CLSPN: variants seen among roughly 807,000 people sequenced by gnomAD.
CLSPN encodes the protein claspin.
A neutral mutation model predicts 156.3 loss-of-function variants in CLSPN; 85 were observed. The ratio of observed to expected loss-of-function variants is 0.54; its 90% CI spans 0.46 to 0.65. The LOEUF is 0.65. Among genes scored for constraint, CLSPN ranks in the 30% least tolerant of loss-of-function variants. CLSPN has a pLI of 0.00. For missense variants in CLSPN, 1,407 were observed against 1,554.9 expected, an observed-to-expected ratio of 0.90 and a Z score of 1.60; for synonymous variants, 534 against 542.4, an observed-to-expected ratio of 0.98 and a Z score of 0.22.
rs1460344607 is a variant in CLSPN, at chr1:35,749,704, G to A, written c.2136C>T (p.Phe712=). ...GSSEIGKAVG[F]LSVPKSLSSD... is the part of the protein sequence containing the mutation. Reference sequence around the variant, plus strand: ...ATGAGAGAGACTTGGGAACAGAGAGGAAGCCAACTGCCTTGCCAATTTCAC... The same window carrying A: ...ATGAGAGAGACTTGGGAACAGAGAGAAAGCCAACTGCCTTGCCAATTTCAC... The change falls in exon 11 of 25, where the codon TTC becomes TTT. Residue 712 remains phenylalanine, a synonymous_variant. Coordinates refer to ENST00000318121, the MANE Select transcript of CLSPN (RefSeq NM_022111.4). 6.2e-6 allele frequency: 10 copies of A among 1,614,126 alleles called. No homozygotes were observed. The highest frequency in any genetic ancestry group is 8.5e-6 in the Non-Finnish European group (10 of 1,180,012).
rs1057513144 is a variant in CLSPN, at chr1:35,734,035, C to G, written c.*2461G>C. On this transcript the variant is annotated 3_prime_UTR_variant, in exon 25 of 25. Coordinates refer to ENST00000318121, the MANE Select transcript of CLSPN (RefSeq NM_022111.4). ...ATAGAAGGTACCATTTATGTAAACT[C>G]AATTATCCTCTTCACCTGAGCTGAA... The G allele has an allele frequency of 1.1e-4, 106 of 985,290 alleles. No homozygotes were observed. The highest frequency in any genetic ancestry group is 1.2e-4 in the Admixed American group (2 of 16,264). The allele number at this position is 985,290 out of a possible 1,614,324, so 61.0% of individuals were successfully genotyped here.
intron 8 of CLSPN, among the ~76,000 whole-genome samples, chr1:35,759,059 T>C (rs1011165700): frequency 6.6e-6 from 1 of 152,236 alleles, no homozygotes; most frequent in Non-Finnish European, 1.5e-5. Context: ...TTAACCACCA[T>C]TCCATACTGC....
rs1220921245 is a variant in CLSPN, at chr1:35,762,441, T to A, written c.785A>T (p.Glu262Val). The change falls in exon 5 of 25, where the codon GAG (glutamate) becomes GTG (valine). Residue 262 changes from glutamate (E) to valine (V), a missense_variant. Coordinates refer to ENST00000318121, the MANE Select transcript of CLSPN (RefSeq NM_022111.4). ...TCCTTTTGATAACTCACTTCCTTCC[T>A]CAAATGAATGGACCCCACTCTCCAA... Reference protein sequence around the residue: ...PSLESGVHSFEEGSELSKGTT... With the variant: ...PSLESGVHSFVEGSELSKGTT... 1.9e-6 allele frequency: 3 copies of A among 1,613,966 alleles called. No individual in the cohort carries two copies. The highest frequency in any genetic ancestry group is 2.2e-5 in the East Asian group (1 of 44,844).
At chr1:35,748,692 G>T in intron 12 of CLSPN, 88 bp from the exon 13 acceptor site, 1 of 1,125,254 alleles carries the variant, frequency 8.9e-7, no homozygotes, top group Non-Finnish European at 1.3e-6. Flanking sequence ...GAAACTGTCA[G>T]ATAAAATTCA....
chr1:35,751,996 TAGA>T (rs935631870), intron 9 of CLSPN, among the ~76,000 whole-genome samples: 7 of 152,060 alleles, frequency 4.6e-5, no homozygotes. Context: ...TGGCAAAAAT[TAGA>T]AGGTTTGATA....
intron 9 of CLSPN, among the ~76,000 whole-genome samples, chr1:35,752,582 G>GAAAA (rs58271996): frequency 4.4e-5 from 3 of 67,892 alleles, no homozygotes; most frequent in Admixed American, 1.8e-4. Context: ...TGTCTTAGAG[G>GAAAA]AAAAAAAAAA....
chr1:35,757,709 T>C (rs1438466016), intron 8 of CLSPN, among the ~76,000 whole-genome samples: 2 of 152,202 alleles, frequency 1.3e-5, no homozygotes, highest in Non-Finnish European at 2.9e-5. Context: ...TAACAAAAAC[T>C]TTCCCTCAGT....
At chr1:35,747,692 A>C (rs1271014677) in intron 14 of CLSPN, among the ~76,000 whole-genome samples, 2 of 152,260 alleles carry the variant, frequency 1.3e-5, no homozygotes, top group East Asian at 3.8e-4. Flanking sequence ...CAAATAAGAC[A>C]GAAATTGAAG....
At chr1:35,736,788 T>C (rs1641489376) in intron 24 of CLSPN, 126 bp downstream of exon 24, 1 of 1,320,252 alleles carries the variant, frequency 7.6e-7, no homozygotes. Flanking sequence ...CTCTTGTACC[T>C]TATCGGGGAG....
chr1:35,763,464 G>T, intron 3 of CLSPN, 143 bp from the exon 4 acceptor site: 1 of 528,344 alleles, frequency 1.9e-6, no homozygotes. Context: ...CATTCTTACT[G>T]GTTTCTAACT....
chr1:35,731,644 G>A (rs937159273), downstream of CLSPN, among the ~76,000 whole-genome samples: 5 of 152,136 alleles, frequency 3.3e-5, no homozygotes, highest in Admixed American at 6.6e-5. Context: ...TGGACCAGGG[G>A]GCTGGCCATA....
chr1:35,745,894 T>C (rs1222300936), intron 15 of CLSPN, among the ~76,000 whole-genome samples: 2 of 152,208 alleles, frequency 1.3e-5, no homozygotes, highest in Admixed American at 6.5e-5. Context: ...CTAAACTTTG[T>C]ACATACATTA....
In CLSPN at chr1:35,732,622, C is replaced by A. The variant is rs947173522; in HGVS notation, c.*3874G>T. 9.5e-5 allele frequency: 94 copies of A among 985,412 alleles called. No individual in the cohort carries two copies. Among genetic ancestry groups the A allele is most frequent in the Admixed American group, 4.9e-4 (8 of 16,278 alleles). The allele number at this position is 985,412 out of a possible 1,614,324, so 61.0% of individuals were successfully genotyped here. A position where few individuals can be genotyped will look rare whatever the true frequency, so the allele number is the denominator to read the frequency against. On this transcript the variant is annotated 3_prime_UTR_variant, in exon 25 of 25. Transcript: ENST00000318121. Reference sequence around the variant, plus strand: ...GTATGGAACAAGGAAGAAACAAAAACACTGACACTGAGCCTACCCTATCTC... The same window carrying A: ...GTATGGAACAAGGAAGAAACAAAAAAACTGACACTGAGCCTACCCTATCTC...
intron 1 of CLSPN, among the ~76,000 whole-genome samples, chr1:35,769,139 G>T (rs540903023): frequency 9.9e-5 from 15 of 152,190 alleles, no homozygotes; most frequent in Middle Eastern, 6.8e-3. Flanking sequence ...CATTAATTTT[G>T]GTTTTTTAAA....
chr1:35,753,278 A>G (rs1297819733), intron 9 of CLSPN, among the ~76,000 whole-genome samples: 1 of 151,438 alleles, frequency 6.6e-6, no homozygotes, highest in Non-Finnish European at 1.5e-5. Context: ...TTTGGTAGAG[A>G]TGAGGGCTCA....
chr1:35,745,750 G>A (rs1467110091), intron 15 of CLSPN, among the ~76,000 whole-genome samples, 188 bp from the exon 16 acceptor site: 1 of 152,142 alleles, frequency 6.6e-6, no homozygotes, highest in African/African-American at 2.4e-5. Flanking sequence ...GGCCACCAGG[G>A]ATACAGTAAT....
chr1:35,762,064 T>C lies in CLSPN; in HGVS notation c.829A>G (p.Lys277Glu). Residue 277 changes from lysine to glutamate, a missense_variant, in exon 6 of 25, where the codon AAG (lysine) becomes GAG (glutamate). This residue lies in a region of CLSPN where 1,096 missense variants were observed against 1,193.0 expected (regional missense o/e 0.92). Transcript: ENST00000318121. ...GCTTCTTTACTTAATCTGGCTGCCT[T>C]TCTTTCCTTAAAGAAAACAAGAAGT... ...LSKGTTRKER[K>E]AARLSKEALK... 6.2e-7 allele frequency: 1 copy of C among 1,609,874 alleles called. No individual in the cohort carries two copies. The highest frequency in any genetic ancestry group is 8.5e-7 in the Non-Finnish European group (1 of 1,176,468).
intron 20 of CLSPN, 119 bp from the exon 21 acceptor site, chr1:35,738,701 T>A: frequency 9.6e-7 from 1 of 1,046,652 alleles, no homozygotes; most frequent in Non-Finnish European, 1.4e-6. Flanking sequence ...TCCCATCCAT[T>A]AACAGAAAAC....
intron 23 of CLSPN, 74 bp from the exon 24 acceptor site, chr1:35,737,149 T>A (rs1641503200): frequency 6.8e-7 from 1 of 1,465,150 alleles, no homozygotes; most frequent in East Asian, 2.3e-5. Context: ...CCCTCCCTGC[T>A]TCCCCCTAGA....
Sources: gnomAD v4.1 joint callset for allele counts (sites outside exome capture counted in the v4.1 genomes callset) on GRCh38, gnomAD v4.1.1 for gene constraint, gnomAD v4.1.1 regional missense constraint, MANE v1.5 for transcripts, NCBI Gene and HGNC (gene_info 2026-07-23, HGNC 2026-07-21) for gene names.